The following SLC14A2 variants were observed in gnomAD, a reference collection of about 807,000 sequenced individuals.
The protein encoded by SLC14A2 is urea transporter 2.
SLC14A2 carries 91 observed loss-of-function variants against 104.6 expected under a neutral mutation model. That is an observed-to-expected ratio of 0.87 (90% CI 0.73 to 1.04). SLC14A2 has a LOEUF of 1.04. Among genes scored for constraint, SLC14A2 ranks in the 50% least tolerant of loss-of-function variants. The pLI is 0.00. For missense variants in SLC14A2, 1,189 were observed against 1,156.0 expected (o/e 1.03, Z -0.41); for synonymous variants, 476 against 466.4 (o/e 1.02, Z -0.27).
chr18:45,276,341 A>G (rs113337539), intron 1 of SLC14A2, among the ~76,000 whole-genome samples: 119 of 152,384 alleles, frequency 7.8e-4, no homozygotes, highest in African/African-American at 2.8e-3. Flanking sequence ...TTACTATAAC[A>G]GAGGTGTGTA....
chr18:45,391,097 A>G (rs2085957006), intron 1 of SLC14A2, among the ~76,000 whole-genome samples: 1 of 151,746 alleles, frequency 6.6e-6, no homozygotes. Flanking sequence ...ACCCCACAAC[A>G]GGCCCTGGTG....
intron 1 of SLC14A2, among the ~76,000 whole-genome samples, chr18:45,421,196 TTTA>T (rs1360501450): frequency 1.3e-5 from 2 of 152,084 alleles, no homozygotes; most frequent in Non-Finnish European, 2.9e-5. Context: ...CGTGCAGAAT[TTTA>T]TTATTTTTAA....
In SLC14A2 at chr18:45,575,014, G is replaced by A. The variant is rs376100272; in HGVS notation, c.-34-49617G>A. ...AGCAAGGAGGAGCTCTGTCCACACC[G>A]ACCATGGAAGTGGGTCTGGATCCAT... On this transcript the variant is annotated intron_variant, in intron 2 of 20. Coordinates refer to the SLC14A2 transcript ENST00000586448. Among the ~76,000 whole-genome samples, 26 of 152,312 alleles carry A rather than the reference G, an allele frequency of 1.7e-4. No individual in the cohort carries two copies. The East Asian group carries it at 3.9e-3, about 23-fold the overall frequency.
rs868561980 is a variant in SLC14A2, at chr18:45,475,668, T to G, written c.-124-7565T>G. ...ATATATATATATATATATATATATA[T>G]ATATATATATATATATATATGATAG... On this transcript the variant is annotated intron_variant, in intron 1 of 20. Coordinates refer to the SLC14A2 transcript ENST00000586448. Among the ~76,000 whole-genome samples, 9 of 111,682 alleles carry G rather than the reference T, an allele frequency of 8.1e-5. No individual in the cohort carries two copies. The East Asian group carries it at 8.1e-4, about 10-fold the overall frequency. The allele number at this position is 111,682 out of a possible 152,430, so 73.3% of individuals were successfully genotyped here.
chr18:45,564,491 T>C (rs950013874), intron 2 of SLC14A2, among the ~76,000 whole-genome samples: 1 of 152,000 alleles, frequency 6.6e-6, no homozygotes, highest in African/African-American at 2.4e-5. Flanking sequence ...TACTGATGAG[T>C]GAGTTACACA....
intron 1 of SLC14A2, among the ~76,000 whole-genome samples, chr18:45,236,611 G>A (rs1455290656): frequency 6.7e-6 from 1 of 149,734 alleles, no homozygotes; most frequent in Non-Finnish European, 1.5e-5. Flanking sequence ...ATATTCATGT[G>A]TGTGTATATA....
intron 9 of SLC14A2, 24 bp from the exon 10 acceptor site, chr18:45,643,962 A>G (rs1208890068): frequency 1.2e-6 from 2 of 1,607,504 alleles, no homozygotes; most frequent in Non-Finnish European, 1.7e-6. Context: ...AAACTTCTTC[A>G]GTCCCCAATG....
intron 1 of SLC14A2, among the ~76,000 whole-genome samples, chr18:45,476,596 C>T (rs2087385413): frequency 6.6e-6 from 1 of 152,138 alleles, no homozygotes; most frequent in Non-Finnish European, 1.5e-5. Flanking sequence ...GTTCCATTCT[C>T]CCCATCACTT....
At chr18:45,537,273 T>C (rs1032470378) in intron 2 of SLC14A2, among the ~76,000 whole-genome samples, 3 of 151,790 alleles carry the variant, frequency 2.0e-5, no homozygotes, top group Non-Finnish European at 2.9e-5. Context: ...AAATAAATCA[T>C]AGAATAATTT....
intron 1 of SLC14A2, among the ~76,000 whole-genome samples, chr18:45,320,455 A>C (rs531642449): frequency 6.6e-6 from 1 of 152,308 alleles, no homozygotes; most frequent in East Asian, 1.9e-4. Context: ...CCCCAAAGAC[A>C]TGACTCCCTG....
chr18:45,365,924 G>A (rs187277568), intron 1 of SLC14A2, among the ~76,000 whole-genome samples: 43 of 151,750 alleles, frequency 2.8e-4, no homozygotes, highest in Admixed American at 2.6e-3. Flanking sequence ...AGCCAGTTTA[G>A]GGTTGCAGCT....
intron 2 of SLC14A2, 125 bp downstream of exon 2, chr18:45,624,939 A>C (rs1410674398): frequency 2.1e-6 from 2 of 932,632 alleles, no homozygotes; most frequent in Non-Finnish European, 3.2e-6. Flanking sequence ...CTGTCAGTAC[A>C]TGGTGACACC....
intron 2 of SLC14A2, among the ~76,000 whole-genome samples, chr18:45,508,684 G>C (rs1355221621): frequency 6.6e-6 from 1 of 152,138 alleles, no homozygotes; most frequent in African/African-American, 2.4e-5. Context: ...AGAATGGCCA[G>C]TGTCCTTTAG....
chr18:45,477,873 G>C (rs1269498531), intron 1 of SLC14A2, among the ~76,000 whole-genome samples: 1 of 152,202 alleles, frequency 6.6e-6, no homozygotes, highest in African/African-American at 2.4e-5. Context: ...TCAGACTGCT[G>C]TGCTGGCAGC....
intron 1 of SLC14A2, among the ~76,000 whole-genome samples, chr18:45,261,336 C>T (rs1252235575): frequency 1.3e-5 from 2 of 151,764 alleles, no homozygotes; most frequent in Non-Finnish European, 2.9e-5. Flanking sequence ...CTACAAAGGA[C>T]ATGAACTCAT....
chr18:45,383,399 T>C (rs2085859125), intron 1 of SLC14A2, among the ~76,000 whole-genome samples: 1 of 152,144 alleles, frequency 6.6e-6, no homozygotes, highest in Non-Finnish European at 1.5e-5. Context: ...ACCAAGCTCA[T>C]AGAATCCCAA....
At chr18:45,555,928 G>A (rs1204563001) in intron 2 of SLC14A2, among the ~76,000 whole-genome samples, 2 of 152,186 alleles carry the variant, frequency 1.3e-5, no homozygotes, top group Non-Finnish European at 1.5e-5. Context: ...GGAGTGTGCA[G>A]GGTCCAGCTC....
intron 1 of SLC14A2, among the ~76,000 whole-genome samples, chr18:45,423,105 A>G (rs1034619690): frequency 6.6e-6 from 1 of 152,202 alleles, no homozygotes; most frequent in Non-Finnish European, 1.5e-5. Context: ...TGGTATTTCC[A>G]TTTATTTTCA....
chr18:45,642,744 G>A (rs1039763900), intron 8 of SLC14A2, among the ~76,000 whole-genome samples: 1 of 151,720 alleles, frequency 6.6e-6, no homozygotes, highest in Non-Finnish European at 1.5e-5. Context: ...CTTGGCAGGA[G>A]CTCGTATAGT....
Sources: allele counts gnomAD v4.1 joint callset (sites outside exome capture counted in the v4.1 genomes callset), GRCh38; gene constraint gnomAD v4.1.1; transcripts MANE v1.5; gene names NCBI Gene and HGNC (gene_info 2026-07-23, HGNC 2026-07-21).